Variants in CYB5R4 observed in about 807,000 individuals in gnomAD.
The protein encoded by CYB5R4 is N-terminal cytochrome b5 and cytochrome b5 oxidoreductase domain-containing protein.
In CYB5R4, 55 loss-of-function variants were observed where a neutral mutation model predicts 70.2. The ratio of observed to expected loss-of-function variants is 0.78; its 90% CI spans 0.63 to 0.98. The LOEUF (loss-of-function observed/expected upper bound fraction) is 0.98. Ranked by LOEUF, CYB5R4 falls within the 50% of genes least tolerant of loss-of-function variation. CYB5R4 has a pLI of 0.00. For synonymous variants in CYB5R4, 197 were observed against 199.5 expected, an observed-to-expected ratio of 0.99 and a Z score of 0.11; for missense variants, 562 against 612.6, an observed-to-expected ratio of 0.92 and a Z score of 0.87.
intron 3 of CYB5R4, among the ~76,000 whole-genome samples, chr6:83,903,371 C>T (rs1322741034): frequency 2.0e-5 from 3 of 152,130 alleles, no homozygotes; most frequent in African/African-American, 7.2e-5. Context: ...GGATAAATTC[C>T]ACTTCATCAT....
At chr6:83,947,485 G>A (rs1389917062) in intron 14 of CYB5R4, among the ~76,000 whole-genome samples, 1 of 152,130 alleles carries the variant, frequency 6.6e-6, no homozygotes, top group Non-Finnish European at 1.5e-5. Flanking sequence ...CAGGACACAG[G>A]CATGGGCAAA....
chr6:83,887,360 A>G (rs1036309166), intron 2 of CYB5R4, among the ~76,000 whole-genome samples: 1 of 152,186 alleles, frequency 6.6e-6, no homozygotes, highest in African/African-American at 2.4e-5. Context: ...CTGACAACAC[A>G]AAGTACTAAA....
chr6:83,894,832 C>G (rs1428074694), intron 3 of CYB5R4, among the ~76,000 whole-genome samples: 1 of 152,186 alleles, frequency 6.6e-6, no homozygotes, highest in African/African-American at 2.4e-5. Context: ...TCATCCTCAT[C>G]TTCATCTTGA....
chr6:83,940,057 A>G lies in CYB5R4; in HGVS notation c.1110A>G (p.Gly370=). The G allele has an allele frequency of 1.3e-6, 2 of 1,537,656 alleles. No homozygotes were observed. The highest frequency in any genetic ancestry group is 1.8e-6 in the Non-Finnish European group (2 of 1,138,628). Residue 370 remains glycine, a splice_region_variant and synonymous_variant, in exon 13 of 16, where the codon GGA becomes GGG. Coordinates refer to ENST00000369681, the MANE Select transcript of CYB5R4 (RefSeq NM_016230.4). The part of the protein sequence containing the change: ...FTPELDRLQI[G]DFVSVSSPEG... ...TTTAGCTTATGTTTCATTGTTTAGG[A>G]GATTTTGTTTCTGTAAGCAGTCCTG... is the stretch of plus-strand genomic sequence containing the variant.
intron 10 of CYB5R4, among the ~76,000 whole-genome samples, chr6:83,933,573 A>T (rs1269464252): frequency 6.6e-6 from 1 of 152,192 alleles, no homozygotes; most frequent in South Asian, 2.1e-4. Flanking sequence ...ATTCATTTAC[A>T]TCTCTGTAAA....
Position 83,867,324 on chromosome 6 carries a change from T to A in CYB5R4, c.229+2996T>A, listed in dbSNP as rs557897605. Among the ~76,000 whole-genome samples the A allele has an allele frequency of 2.6e-5, 4 of 152,284 alleles. 1 individual carries two copies. In the East Asian group the frequency reaches 7.7e-4, roughly 30 times the overall value. On this transcript the variant is annotated intron_variant, in intron 2 of 15. Transcript: ENST00000369681. ...GGAAAGTTTGAGGTGTTCTGGAGCT[T>A]AGGTTAATTGTTGGAGAATTATAAG... is the stretch of plus-strand genomic sequence containing the variant.
chr6:83,905,794 C>T (rs779678707), intron 3 of CYB5R4, among the ~76,000 whole-genome samples: 4 of 151,764 alleles, frequency 2.6e-5, no homozygotes, highest in Admixed American at 6.6e-5. Flanking sequence ...CGGTGGCAGT[C>T]GCAGGATGAC....
intron 12 of CYB5R4, among the ~76,000 whole-genome samples, chr6:83,937,050 A>G (rs2099469024): frequency 6.6e-6 from 1 of 152,130 alleles, no homozygotes; most frequent in Non-Finnish European, 1.5e-5. Flanking sequence ...TGAGGTGGGC[A>G]GATCTCTTGA....
intron 2 of CYB5R4, among the ~76,000 whole-genome samples, chr6:83,893,024 G>T (rs1468799121): frequency 6.6e-6 from 1 of 152,118 alleles, no homozygotes; most frequent in African/African-American, 2.4e-5. Flanking sequence ...TTGAATGTTA[G>T]TGTCTCCCTC....
intron 3 of CYB5R4, among the ~76,000 whole-genome samples, chr6:83,907,869 A>G (rs1305187407): frequency 1.3e-5 from 2 of 151,980 alleles, no homozygotes; most frequent in East Asian, 1.9e-4. Flanking sequence ...TTCTTTATTC[A>G]GTCTGTCATT....
intron 5 of CYB5R4, among the ~76,000 whole-genome samples, chr6:83,916,750 A>G (rs1343198117): frequency 6.6e-6 from 1 of 152,162 alleles, no homozygotes; most frequent in African/African-American, 2.4e-5. Flanking sequence ...TTTACATCTT[A>G]CTTGCACTTG....
chr6:83,948,760 T>C (rs2099471065), intron 14 of CYB5R4, among the ~76,000 whole-genome samples: 1 of 152,152 alleles, frequency 6.6e-6, no homozygotes, highest in South Asian at 2.1e-4. Context: ...CTGTGTTTTT[T>C]CTTTCGTTTT....
rs551444569 is a variant in CYB5R4, at chr6:83,924,627, T to G, written c.814+35T>G. On this transcript the variant is annotated intron_variant, in intron 10 of 15. Coordinates refer to ENST00000369681, the MANE Select transcript of CYB5R4 (RefSeq NM_016230.4). The stretch of plus-strand genomic sequence containing the variant: ...GTTCTTTTGTTACGTTAATTTCACA[T>G]TCATGAAATTGTTGTTAGTTGTACA... 270 of 1,598,640 alleles carry G rather than the reference T, an allele frequency of 1.7e-4. 4 individuals carry two copies. In the South Asian group the frequency reaches 2.8e-3, roughly 17 times the overall value.
At chr6:83,910,419 C>G in intron 4 of CYB5R4, 1 of 323,008 alleles carries the variant, frequency 3.1e-6, no homozygotes. Flanking sequence ...TTTGCTATCT[C>G]AGCCTGGCTG....
chr6:83,869,435 G>C (rs977347078), intron 2 of CYB5R4, among the ~76,000 whole-genome samples: 1 of 152,160 alleles, frequency 6.6e-6, no homozygotes. Context: ...GACACACACA[G>C]AGCAGTGAAA....
At chr6:83,921,885 A>G (rs1356098135) in intron 8 of CYB5R4, among the ~76,000 whole-genome samples, 3 of 152,238 alleles carry the variant, frequency 2.0e-5, no homozygotes, top group Non-Finnish European at 4.4e-5. Flanking sequence ...CTTCTGGAAT[A>G]TAAGTTCCAT....
At chr6:83,942,850 A>G (rs1312706756) in intron 14 of CYB5R4, among the ~76,000 whole-genome samples, 1 of 152,138 alleles carries the variant, frequency 6.6e-6, no homozygotes, top group Admixed American at 6.5e-5. Context: ...GCCACTGGGA[A>G]GTTCGGACTA....
chr6:83,912,501 C>T (rs905762227), intron 4 of CYB5R4, among the ~76,000 whole-genome samples: 2 of 152,088 alleles, frequency 1.3e-5, no homozygotes, highest in African/African-American at 4.8e-5. Flanking sequence ...AGATCCTTAC[C>T]AAGGAAGAGC....
At chr6:83,935,632 T>C (rs745764776) in intron 11 of CYB5R4, among the ~76,000 whole-genome samples, 18 of 152,328 alleles carry the variant, frequency 1.2e-4, no homozygotes, top group South Asian at 8.3e-4. Flanking sequence ...TGAGTTCTTA[T>C]TTATTTTACT....
Sources: allele counts gnomAD v4.1 joint callset (sites outside exome capture counted in the v4.1 genomes callset), GRCh38; gene constraint gnomAD v4.1.1; transcripts MANE v1.5; gene names NCBI Gene and HGNC (gene_info 2026-07-23, HGNC 2026-07-21).